The following TRRAP variants were observed in gnomAD, a reference collection of about 807,000 sequenced individuals.
The protein encoded by TRRAP is transformation/transcription domain associated protein.
TRRAP carries 41 observed loss-of-function variants against 438.8 expected under a neutral mutation model. The ratio of observed to expected loss-of-function variants is 0.09; its 90% CI spans 0.07 to 0.12. The LOEUF is 0.12. TRRAP is among the 10% of genes least tolerant of loss of function. The probability of loss-of-function intolerance (pLI) is 1.00; values close to 1 mark genes in which losing one functional copy is unlikely to be tolerated. For missense variants in TRRAP, 3,122 were observed against 5,055.1 expected, an observed-to-expected ratio of 0.62 and a Z score of 11.60; for synonymous variants, 1,994 against 1,962.9, an observed-to-expected ratio of 1.02 and a Z score of -0.42.
At chr7:98,969,493 G>A (rs556723003) in intron 51 of TRRAP, among the ~76,000 whole-genome samples, 2 of 152,356 alleles carry the variant, frequency 1.3e-5, no homozygotes, top group South Asian at 2.1e-4. Flanking sequence ...TGAGGCAGGG[G>A]ACACTATCTC....
intron 37 of TRRAP, 75 bp from the exon 38 acceptor site, chr7:98,949,989 T>A (rs1337187606): frequency 1.0e-5 from 16 of 1,596,354 alleles, no homozygotes. Context: ...CTGAGCTGTT[T>A]AAAGGCAAGT....
intron 7 of TRRAP, among the ~76,000 whole-genome samples, chr7:98,896,406 CT>C (rs202116652): frequency 7.3e-5 from 11 of 150,648 alleles, no homozygotes; most frequent in Non-Finnish European, 1.2e-4. Context: ...ATAATTCTTT[CT>C]TTTTTTTTGG....
chr7:99,008,736 C>T (rs1346635594), intron 70 of TRRAP, among the ~76,000 whole-genome samples, 175 bp downstream of exon 70: 1 of 152,204 alleles, frequency 6.6e-6, no homozygotes, highest in Non-Finnish European at 1.5e-5. Context: ...AGCTATTGAC[C>T]TTGGTGAGAG....
At chr7:99,006,327 ATC>A (rs1794163332) in intron 69 of TRRAP, among the ~76,000 whole-genome samples, 1 of 152,152 alleles carries the variant, frequency 6.6e-6, no homozygotes, top group Non-Finnish European at 1.5e-5. Context: ...TTGACCTGAA[ATC>A]TCTGACCCTT....
rs560374881 is a variant in TRRAP, at chr7:98,901,024, G to C, written c.897+304G>C. Among the ~76,000 whole-genome samples the C allele has an allele frequency of 2.6e-5, 4 of 152,284 alleles. No individual in the cohort carries two copies. In the South Asian group the frequency reaches 6.2e-4, roughly 24 times the overall value. On this transcript the variant is annotated intron_variant, in intron 11 of 72. Transcript: ENST00000456197. ...CTAGTCTCTGCAACCTTTTGAGTCT[G>C]GCTTCTTTCACTTAGCAGTAATGTG...
At chr7:99,008,155 A>G (rs906781871) in intron 69 of TRRAP, among the ~76,000 whole-genome samples, 1 of 152,102 alleles carries the variant, frequency 6.6e-6, no homozygotes, top group Non-Finnish European at 1.5e-5. Context: ...CTTCTAAAGC[A>G]TTTCTGTTTG....
rs769027273 is a variant in TRRAP, at chr7:98,976,986, A to G, written c.8295A>G (p.Glu2765=). Residue 2765 remains glutamate (E), a synonymous_variant, in exon 56 of 73, where the codon GAA becomes GAG. Transcript: ENST00000456197. This position sits in a 1 kb window ranked among gnomAD's most constrained non-coding sequence, Gnocchi z 4.6. ...AGCTTTACTCCCTGTTACAAGAGGAAGATATGTGGGCTGGTCTGTGGCAGA... is the reference window on the plus strand; with the variant it reads ...AGCTTTACTCCCTGTTACAAGAGGAGGATATGTGGGCTGGTCTGTGGCAGA... ...LAELYSLLQE[E]DMWAGLWQKR... is the part of the protein sequence containing the mutation. 46 of 1,614,068 alleles carry G rather than the reference A, an allele frequency of 2.8e-5. No homozygotes were observed. In the South Asian group the frequency reaches 4.8e-4, roughly 17 times the overall value.
intron 8 of TRRAP, 56 bp downstream of exon 8, chr7:98,897,922 C>T: frequency 6.2e-7 from 1 of 1,600,366 alleles, no homozygotes; most frequent in African/African-American, 1.4e-5. Flanking sequence ...CGGATACTGG[C>T]CTGTTAAACC....
Position 98,957,983 on chromosome 7 carries a change from C to G in TRRAP, c.6234C>G (p.Val2078=), listed in dbSNP as rs782186874. Residue 2078 remains valine (V), a splice_region_variant and synonymous_variant, in exon 44 of 73, where the codon GTC becomes GTG. Transcript: ENST00000456197. The stretch of plus-strand genomic sequence containing the variant: ...CCTGAAAGGAGGTCCTTTTCCAGGT[C>G]TTTGGGAGGAGCCAGTCGCTACCTG... The part of the protein sequence containing the change: ...FRTATGAISA[V]FGRSQSLPGA... The G allele has an allele frequency of 6.2e-7, 1 of 1,613,734 alleles. No individual in the cohort carries two copies. The highest frequency in any genetic ancestry group is 1.7e-5 in the Admixed American group (1 of 59,984).
chr7:99,010,422 C>T (rs992416873), intron 70 of TRRAP, among the ~76,000 whole-genome samples: 9 of 152,124 alleles, frequency 5.9e-5, no homozygotes, highest in Non-Finnish European at 8.8e-5. Flanking sequence ...TTGTTCTTGC[C>T]GGCAGAAGGG....
At position 99,011,161 on chromosome 7, in the gene TRRAP, G is replaced by A. The variant is rs764801736; in HGVS notation, c.11048G>A (p.Arg3683Gln). 9 of 1,614,134 alleles carry A rather than the reference G, an allele frequency of 5.6e-6. No homozygotes were observed. The highest frequency in any genetic ancestry group is 2.2e-5 in the East Asian group (1 of 44,874). Residue 3683 changes from arginine (R) to glutamine (Q), a missense_variant, in exon 71 of 73, where the codon CGG becomes CAG. By Grantham distance (43) the Arg-to-Gln change is conservative. Transcript: ENST00000456197. The surrounding 1 kb of genome is among the most constrained non-coding windows in gnomAD (Gnocchi z 7.1). ...AATGCCACGGACTACTGGACGTTCC[G>A]GAAGATGTTCACCATCCAGCTGGCT... ...FPNATDYWTF[R>Q]KMFTIQLALI...
chr7:98,948,128 ATAGT>A lies in TRRAP; in HGVS notation c.4549-89_4549-86del. The A allele has an allele frequency of 3.2e-6, 5 of 1,565,972 alleles. No individual in the cohort carries two copies. Among genetic ancestry groups the A allele is most frequent in the African/African-American group, 1.3e-5 (1 of 74,138 alleles). ...CGCTTCACTGCCTAGCCTTGCCAAC[ATAGT>A]TAGACTATAGTAGGGTCTGTAGTGA... On this transcript the variant is annotated intron_variant, in intron 33 of 72. Transcript: ENST00000456197. This position sits in a 1 kb window ranked among gnomAD's most constrained non-coding sequence, Gnocchi z 4.9.
rs528419632 is a variant in TRRAP at position 98,961,544 on chromosome 7, G to T, written c.6703+70G>T. The T allele has an allele frequency of 2.6e-6, 4 of 1,552,952 alleles. No individual in the cohort carries two copies. In the African/African-American group the frequency reaches 4.1e-5, roughly 16 times the overall value. ...TGGGCGCGGAGCTTGCTATGAGAGC[G>T]CTTGTCCTCCAGTTATTGTGTCGAG... On this transcript the variant is annotated intron_variant, in intron 46 of 72. Coordinates refer to ENST00000456197, the MANE Select transcript of TRRAP (RefSeq NM_001375524.1).
chr7:98,992,327 C>A, intron 65 of TRRAP, 100 bp downstream of exon 65: 2 of 1,267,192 alleles, frequency 1.6e-6, no homozygotes, highest in Non-Finnish European at 2.3e-6. Context: ...TGCCCTGCAG[C>A]TCACTCATAG....
chr7:98,893,932 C>T (rs1554405366), intron 6 of TRRAP, 51 bp downstream of exon 6: 3 of 1,569,820 alleles, frequency 1.9e-6, no homozygotes, highest in Non-Finnish European at 2.6e-6. Context: ...CAACATGTTC[C>T]TTCTGTGAAA....
At chr7:98,921,724 G>T in intron 20 of TRRAP, 29 bp from the exon 21 acceptor site, 2 of 1,613,008 alleles carry the variant, frequency 1.2e-6, no homozygotes, top group Non-Finnish European at 1.7e-6. Context: ...ACCTTAAGAG[G>T]ACCTTAATGA....
chr7:99,012,963 C>G lies in TRRAP; in HGVS notation c.*608C>G, dbSNP rs979087016. ...GCGGGAGCGCCACACGCATCCACTTCGGATTCAGTGGGTGAAGACAGAACT... is the reference window on the plus strand; with the variant it reads ...GCGGGAGCGCCACACGCATCCACTTGGGATTCAGTGGGTGAAGACAGAACT... On this transcript the variant is annotated 3_prime_UTR_variant, in exon 73 of 73. Transcript: ENST00000456197. The surrounding 1 kb of genome is among the most constrained non-coding windows in gnomAD (Gnocchi z 5.9). 6.6e-6 allele frequency: 1 copy of G among 152,304 alleles called. No homozygotes were observed. The highest frequency in any genetic ancestry group is 1.5e-5 in the Non-Finnish European group (1 of 68,104). 9.4% of individuals were successfully genotyped at this position (152,304 alleles called of 1,614,324 possible). A position where few individuals can be genotyped will look rare whatever the true frequency, so the allele number is the denominator to read the frequency against.
chr7:98,975,616 A>G (rs1792619783), intron 53 of TRRAP, among the ~76,000 whole-genome samples: 1 of 152,094 alleles, frequency 6.6e-6, no homozygotes, highest in African/African-American at 2.4e-5. Flanking sequence ...AGTCCGTTCC[A>G]TTCTCTTCTG....
chr7:98,998,903 A>C, intron 67 of TRRAP: 1 of 453,578 alleles, frequency 2.2e-6, no homozygotes, highest in Admixed American at 3.1e-5. Flanking sequence ...TTACATGGAG[A>C]GGCCCCATGG....
Sources: allele counts gnomAD v4.1 joint callset (sites outside exome capture counted in the v4.1 genomes callset), GRCh38; gene constraint gnomAD v4.1.1; non-coding constraint Gnocchi (gnomAD v3.1); transcripts MANE v1.5; gene names NCBI Gene and HGNC (gene_info 2026-07-23, HGNC 2026-07-21).